Variants in KSR2 observed in about 807,000 individuals in gnomAD.
KSR2 encodes the protein kinase suppressor of ras 2.
A neutral mutation model predicts 107.8 loss-of-function variants in KSR2; 25 were observed. That is an observed-to-expected ratio of 0.23 (90% CI 0.17 to 0.32). KSR2 has a LOEUF of 0.32. KSR2 is among the 10% of genes least tolerant of loss of function. KSR2 has a pLI of 1.00. For synonymous variants in KSR2, 480 were observed against 507.0 expected, an observed-to-expected ratio of 0.95 and a Z score of 0.71; for missense variants, 887 against 1,268.9, an observed-to-expected ratio of 0.70 and a Z score of 4.57.
At position 117,733,527 on chromosome 12, in the gene KSR2, C is replaced by T. The variant is rs556771815; in HGVS notation, c.986+27484G>A. ...ACAGCCATGCCCATTTATTTGCACA[C>T]TGTCTACGGCTGCTTTTGCTCATAA... is the stretch of plus-strand genomic sequence containing the variant. On this transcript the variant is annotated intron_variant, in intron 4 of 19. Coordinates refer to ENST00000339824, the MANE Select transcript of KSR2 (RefSeq NM_173598.6). Among the ~76,000 whole-genome samples the T allele has an allele frequency of 3.9e-5, 6 of 152,320 alleles. No homozygotes were observed. In the South Asian group the frequency reaches 1.2e-3, roughly 32 times the overall value.
intron 3 of KSR2, among the ~76,000 whole-genome samples, chr12:117,784,945 C>T (rs1010024259): frequency 1.3e-5 from 2 of 152,212 alleles, no homozygotes; most frequent in African/African-American, 4.8e-5. Context: ...CACCGACAGT[C>T]TGACTCTAAC....
chr12:117,897,958 C>T lies in KSR2; in HGVS notation c.181-37527G>A, dbSNP rs1234821014. On this transcript the variant is annotated intron_variant, in intron 1 of 19. Transcript: ENST00000339824. The surrounding 1 kb of genome is among the most constrained non-coding windows in gnomAD (Gnocchi z 4.5). ...CTGTGTGCACTCATACACGTACACACACACAGTCATATGGTATACTCTATC... is the reference window on the plus strand; with the variant it reads ...CTGTGTGCACTCATACACGTACACATACACAGTCATATGGTATACTCTATC... Among the ~76,000 whole-genome samples the T allele has an allele frequency of 6.6e-6, 1 of 152,052 alleles. No homozygotes were observed. The highest frequency in any genetic ancestry group is 2.4e-5 in the African/African-American group (1 of 41,372).
chr12:117,841,294 T>C (rs1451496368), intron 3 of KSR2, among the ~76,000 whole-genome samples: 1 of 152,172 alleles, frequency 6.6e-6, no homozygotes, highest in African/African-American at 2.4e-5. Flanking sequence ...CCCCTGCATG[T>C]TCCCTGCAAG....
chr12:117,966,648 T>G (rs4767647), intron 1 of KSR2, among the ~76,000 whole-genome samples: 1 of 135,992 alleles, frequency 7.4e-6, no homozygotes, highest in East Asian at 2.1e-4. Flanking sequence ...CACACACACA[T>G]GCTGTCTCTC....
chr12:117,471,376 T>G, intron 17 of KSR2, 56 bp from the exon 18 acceptor site: 1 of 1,573,780 alleles, frequency 6.4e-7, no homozygotes, highest in South Asian at 1.2e-5. Flanking sequence ...TGCAACCTTG[T>G]ACCTCCATTA....
At chr12:117,472,877 C>A (rs1871558456) in intron 17 of KSR2, among the ~76,000 whole-genome samples, 1 of 152,142 alleles carries the variant, frequency 6.6e-6, no homozygotes, top group South Asian at 2.1e-4. Context: ...CTACTTGGGG[C>A]TCTGCTGACC....
intron 3 of KSR2, among the ~76,000 whole-genome samples, chr12:117,790,609 A>T (rs550391100): frequency 6.6e-6 from 1 of 152,368 alleles, no homozygotes; most frequent in Admixed American, 6.5e-5. Flanking sequence ...GTGGGCCACA[A>T]GGAACAAACT....
intron 4 of KSR2, among the ~76,000 whole-genome samples, chr12:117,737,191 T>G (rs1399239698): frequency 6.6e-6 from 1 of 152,208 alleles, no homozygotes; most frequent in African/African-American, 2.4e-5. Context: ...CTAATCCTAA[T>G]GTAACATCAT....
chr12:117,723,125 C>A (rs962712697), intron 4 of KSR2, among the ~76,000 whole-genome samples: 1 of 152,104 alleles, frequency 6.6e-6, no homozygotes. Flanking sequence ...CCAGAGGAAT[C>A]CATCCTCACC....
chr12:117,830,181 G>A (rs1355385558), intron 3 of KSR2, among the ~76,000 whole-genome samples: 3 of 151,858 alleles, frequency 2.0e-5, no homozygotes, highest in Admixed American at 1.3e-4. Flanking sequence ...GGCAGGAGAA[G>A]AGCTTGCACC....
At chr12:117,914,599 A>G (rs116194830) in intron 1 of KSR2, among the ~76,000 whole-genome samples, 1,575 of 152,260 alleles carry the variant, frequency 0.01, 29 homozygotes, top group African/African-American at 0.036. Flanking sequence ...CAGTGCTGTA[A>G]TCATATCTCA....
chr12:117,918,031 C>G (rs1211476073), intron 1 of KSR2, among the ~76,000 whole-genome samples: 1 of 152,218 alleles, frequency 6.6e-6, no homozygotes, highest in Non-Finnish European at 1.5e-5. Context: ...CATCCCATCT[C>G]TAACTCCCCA....
chr12:117,525,916 AC>A (rs2137238379), intron 13 of KSR2, among the ~76,000 whole-genome samples: 1 of 152,314 alleles, frequency 6.6e-6, no homozygotes, highest in African/African-American at 2.4e-5. Context: ...TAACAATCAG[AC>A]AAAGAGAGCT....
At chr12:117,837,565 A>C (rs1487346761) in intron 3 of KSR2, among the ~76,000 whole-genome samples, 1 of 152,124 alleles carries the variant, frequency 6.6e-6, no homozygotes, top group Non-Finnish European at 1.5e-5. Context: ...CCTAGGATTG[A>C]AAGCAACAAT....
chr12:117,529,146 G>C (rs1875431103), intron 12 of KSR2, among the ~76,000 whole-genome samples: 1 of 152,206 alleles, frequency 6.6e-6, no homozygotes. Flanking sequence ...GGTGAGTTAG[G>C]AAACTGGTCA....
At chr12:117,739,413 C>G (rs1292515660) in intron 4 of KSR2, among the ~76,000 whole-genome samples, 1 of 152,122 alleles carries the variant, frequency 6.6e-6, no homozygotes, top group Non-Finnish European at 1.5e-5. Flanking sequence ...GTTATGACAG[C>G]TACAGCAACA....
intron 1 of KSR2, among the ~76,000 whole-genome samples, chr12:117,875,543 T>TATAA (rs1272611794): frequency 1.3e-5 from 2 of 152,026 alleles, no homozygotes; most frequent in Non-Finnish European, 2.9e-5. Context: ...GCTGGCCTTA[T>TATAA]GGTCACACAC....
chr12:117,455,135 C>T lies in KSR2; in HGVS notation c.*12064G>A, dbSNP rs1224360801. On this transcript the variant is annotated 3_prime_UTR_variant, in exon 20 of 20. Coordinates refer to ENST00000339824, the MANE Select transcript of KSR2 (RefSeq NM_173598.6). ...GGTGGCCTGAGTACTGGTCTGACTCCAGCAAGCACAAAACTCTCCTCAGAC... is the reference window on the plus strand; with the variant it reads ...GGTGGCCTGAGTACTGGTCTGACTCTAGCAAGCACAAAACTCTCCTCAGAC... 6.6e-6 allele frequency: 1 copy of T among 151,422 alleles called. No homozygotes were observed. Among genetic ancestry groups the T allele is most frequent in the East Asian group, 2.0e-4 (1 of 5,128 alleles). The allele number at this position is 151,422 out of a possible 1,614,324, so 9.4% of individuals were successfully genotyped here.
At chr12:117,750,721 A>T (rs1474479488) in intron 4 of KSR2, among the ~76,000 whole-genome samples, 1 of 9,916 alleles carries the variant, frequency 1.0e-4, no homozygotes, top group Non-Finnish European at 2.0e-4. Flanking sequence ...TGTGTACACA[A>T]ATGTGTAGCT....
Sources: gnomAD v4.1 joint callset for allele counts (sites outside exome capture counted in the v4.1 genomes callset) on GRCh38, gnomAD v4.1.1 for gene constraint, Gnocchi (gnomAD v3.1) non-coding constraint, MANE v1.5 for transcripts, NCBI Gene and HGNC (gene_info 2026-07-23, HGNC 2026-07-21) for gene names.